Variants in SPOCK3 observed in about 807,000 individuals in gnomAD.
SPOCK3 encodes the protein testican-3.
In SPOCK3, 30 loss-of-function variants were observed where a neutral mutation model predicts 56.6. The ratio of observed to expected loss-of-function variants is 0.53; its 90% CI spans 0.40 to 0.72. SPOCK3 has a LOEUF of 0.72. Among genes scored for constraint, SPOCK3 ranks in the 30% least tolerant of loss-of-function variants. The probability of loss-of-function intolerance (pLI) is 0.00; values close to 1 mark genes in which losing one functional copy is unlikely to be tolerated. For synonymous variants in SPOCK3, 196 were observed against 183.3 expected, an observed-to-expected ratio of 1.07 and a Z score of -0.56; for missense variants, 527 against 530.0, an observed-to-expected ratio of 0.99 and a Z score of 0.06.
At chr4:167,165,185 T>G (rs56376056) in intron 2 of SPOCK3, among the ~76,000 whole-genome samples, 70 of 152,164 alleles carry the variant, frequency 4.6e-4, no homozygotes, top group Non-Finnish European at 8.5e-4. Flanking sequence ...TAAAAACAAT[T>G]GCAACAAAAG....
At chr4:167,108,995 T>TATATAA (rs1554037453) in intron 2 of SPOCK3, among the ~76,000 whole-genome samples, 2 of 13,438 alleles carry the variant, frequency 1.5e-4, no homozygotes, top group Admixed American at 1.1e-3. Context: ...TATATATTTA[T>TATATAA]ATATATATAA....
intron 8 of SPOCK3, among the ~76,000 whole-genome samples, chr4:166,744,690 A>T (rs1735337402): frequency 6.6e-6 from 1 of 152,172 alleles, no homozygotes; most frequent in Non-Finnish European, 1.5e-5. Context: ...AACTTTTCCA[A>T]GATAAGGGAG....
chr4:167,109,504 T>C (rs1760701954), intron 2 of SPOCK3, among the ~76,000 whole-genome samples: 2 of 118,360 alleles, frequency 1.7e-5, no homozygotes, highest in South Asian at 4.6e-4. Context: ...ATATATTTTA[T>C]ATAAAATATA....
At chr4:167,030,815 T>C (rs7663000) in intron 3 of SPOCK3, among the ~76,000 whole-genome samples, 54,873 of 151,828 alleles carry the variant, frequency 0.36, 12,287 homozygotes, top group African/African-American at 0.64. Flanking sequence ...AGTTTTTAAA[T>C]AAAGTTTCTA....
chr4:167,189,549 C>T (rs1274441245), intron 2 of SPOCK3, among the ~76,000 whole-genome samples: 2 of 145,396 alleles, frequency 1.4e-5, no homozygotes. Flanking sequence ...TTATTACATA[C>T]ACATTGTGAA....
intron 3 of SPOCK3, among the ~76,000 whole-genome samples, chr4:167,002,514 C>CT (rs1234652437): frequency 1.3e-5 from 2 of 152,064 alleles, no homozygotes; most frequent in Non-Finnish European, 2.9e-5. Flanking sequence ...TTTCTCCATA[C>CT]TAAGATAATT....
chr4:166,842,947 C>T (rs904643548), intron 6 of SPOCK3, among the ~76,000 whole-genome samples: 8 of 152,212 alleles, frequency 5.3e-5, no homozygotes, highest in Admixed American at 1.3e-4. Context: ...GCATGGCAGG[C>T]TGCAGATCCT....
chr4:167,048,407 G>A (rs191792923), intron 3 of SPOCK3, among the ~76,000 whole-genome samples: 89 of 151,990 alleles, frequency 5.9e-4, no homozygotes, highest in South Asian at 2.7e-3. Context: ...TAAAATAAGT[G>A]TCGGAAGAAA....
intron 4 of SPOCK3, among the ~76,000 whole-genome samples, chr4:166,930,929 G>C (rs1016826130): frequency 4.6e-5 from 7 of 152,030 alleles, no homozygotes; most frequent in African/African-American, 1.7e-4. Flanking sequence ...GCTATTTTAG[G>C]GGTTTCATTA....
At chr4:167,182,326 C>T (rs900484449) in intron 2 of SPOCK3, among the ~76,000 whole-genome samples, 1 of 151,738 alleles carries the variant, frequency 6.6e-6, no homozygotes, top group South Asian at 2.1e-4. Flanking sequence ...ATGATCCCCC[C>T]CAATCTGATT....
intron 2 of SPOCK3, among the ~76,000 whole-genome samples, chr4:167,108,302 A>G (rs948293837): frequency 1.3e-5 from 2 of 151,910 alleles, no homozygotes; most frequent in Non-Finnish European, 2.9e-5. Context: ...TCCCGCTGCT[A>G]GGTACATACC....
chr4:166,806,723 T>G (rs1282341190), intron 6 of SPOCK3, among the ~76,000 whole-genome samples: 1 of 152,022 alleles, frequency 6.6e-6, no homozygotes, highest in African/African-American at 2.4e-5. Flanking sequence ...ATGCATTGTC[T>G]TAAAGTATAC....
At chr4:167,228,721 G>A (rs953912740) in intron 2 of SPOCK3, among the ~76,000 whole-genome samples, 1 of 152,136 alleles carries the variant, frequency 6.6e-6, no homozygotes, top group South Asian at 2.1e-4. Flanking sequence ...GAGTCAGGAT[G>A]CTGCCAGAGC....
intron 3 of SPOCK3, among the ~76,000 whole-genome samples, chr4:167,053,880 C>T (rs1044971742): frequency 1.3e-5 from 2 of 151,868 alleles, no homozygotes; most frequent in Non-Finnish European, 2.9e-5. Flanking sequence ...TCAACATCCC[C>T]AAAAACGTGG....
At chr4:166,946,163 G>A (rs1313721581) in intron 4 of SPOCK3, among the ~76,000 whole-genome samples, 1 of 151,876 alleles carries the variant, frequency 6.6e-6, no homozygotes, top group Non-Finnish European at 1.5e-5. Flanking sequence ...TCCCAGTTTG[G>A]AGAGTAATAA....
intron 4 of SPOCK3, among the ~76,000 whole-genome samples, chr4:166,943,560 T>C (rs1355953290): frequency 2.0e-5 from 3 of 152,168 alleles, no homozygotes; most frequent in Non-Finnish European, 4.4e-5. Flanking sequence ...AGTTGTTCAA[T>C]TTTTTACAGT....
intron 2 of SPOCK3, among the ~76,000 whole-genome samples, chr4:167,174,742 T>C (rs11722877): frequency 1.4e-4 from 22 of 152,188 alleles, no homozygotes; most frequent in Non-Finnish European, 2.4e-4. Flanking sequence ...GAGTGGGACC[T>C]TGGGGGCTCC....
intron 6 of SPOCK3, among the ~76,000 whole-genome samples, chr4:166,842,565 G>C (rs1747550110): frequency 6.6e-6 from 1 of 152,162 alleles, no homozygotes; most frequent in South Asian, 2.1e-4. Flanking sequence ...CCTTGAGCTA[G>C]ACACAGAGTG....
At chr4:167,186,500 G>T (rs1038293596) in intron 2 of SPOCK3, among the ~76,000 whole-genome samples, 1 of 151,644 alleles carries the variant, frequency 6.6e-6, no homozygotes, top group Non-Finnish European at 1.5e-5. Flanking sequence ...GGTGGTGGGC[G>T]CCTGTAATCC....
Sources: gnomAD v4.1 joint callset for allele counts (sites outside exome capture counted in the v4.1 genomes callset) on GRCh38, gnomAD v4.1.1 for gene constraint, MANE v1.5 for transcripts, NCBI Gene and HGNC (gene_info 2026-07-23, HGNC 2026-07-21) for gene names.